Variants in OR4K2 observed in about 807,000 individuals in gnomAD.
OR4K2 encodes the protein olfactory receptor family 4 subfamily K member 2.
In OR4K2, 8 loss-of-function variants were observed where a neutral mutation model predicts 10.5. The ratio of observed to expected loss-of-function variants is 0.76; its 90% CI spans 0.45 to 1.37. OR4K2 has a LOEUF of 1.37. Ranked by LOEUF, OR4K2 falls within the 40% of genes most tolerant of loss-of-function variation. OR4K2 has a pLI of 0.00. For missense variants in OR4K2, 547 were observed against 379.5 expected (o/e 1.44, Z -3.67); for synonymous variants, 178 against 133.6 (o/e 1.33, Z -2.29).
At position 19,876,875 on chromosome 14, in the gene OR4K2, G is replaced by A. The variant is rs1880918397; in HGVS notation, c.608G>A (p.Ser203Asn). ...CTGGGCCTCTTTATGATCTCAACAA[G>A]TGGCATAATTGCGTTGTCCTGTTTT... ...YVLGLFMIST[S>N]GIIALSCFIV... The change falls in exon 2 of 2, where the codon AGT becomes AAT. Residue 203 changes from serine (S) to asparagine (N), a missense_variant. By Grantham distance (46) the Ser-to-Asn change is conservative. Coordinates refer to ENST00000641885, the MANE Select transcript of OR4K2 (RefSeq NM_001005501.2). 27 of 1,614,194 alleles carry A rather than the reference G, an allele frequency of 1.7e-5. No homozygotes were observed. The highest frequency in any genetic ancestry group is 2.3e-5 in the Non-Finnish European group (27 of 1,179,998).
chr14:19,878,564 T>A lies in OR4K2; in HGVS notation c.*1352T>A, dbSNP rs1025444351. On this transcript the variant is annotated 3_prime_UTR_variant, in exon 2 of 2. Transcript: ENST00000641885. Reference sequence around the variant, plus strand: ...TAGATGTTCATATTAAACCAAGTTATAAAAGGAATTTATTTTTTCTTCATC... The same window carrying A: ...TAGATGTTCATATTAAACCAAGTTAAAAAAGGAATTTATTTTTTCTTCATC... 4 of 152,338 alleles carry A rather than the reference T, an allele frequency of 2.6e-5. No individual in the cohort carries two copies. Among genetic ancestry groups the A allele is most frequent in the South Asian group, 4.1e-4 (2 of 4,832 alleles). 9.4% of individuals were successfully genotyped at this position (152,338 alleles called of 1,614,324 possible). A position where few individuals can be genotyped will look rare whatever the true frequency, so the allele number is the denominator to read the frequency against.
chr14:19,875,751 A>G lies in OR4K2; in HGVS notation c.-407A>G, dbSNP rs1880877946. 1 of 153,228 alleles carries G rather than the reference A, an allele frequency of 6.5e-6. No homozygotes were observed. The highest frequency in any genetic ancestry group is 2.0e-4 in the South Asian group (1 of 4,914). 9.5% of individuals were successfully genotyped at this position (153,228 alleles called of 1,614,324 possible). A position where few individuals can be genotyped will look rare whatever the true frequency, so the allele number is the denominator to read the frequency against. ...ATCTCTGGAAATTTACAAGAGCTCT[A>G]CAACTGTCCATCGAAACTTCACTAT... On this transcript the variant is annotated 5_prime_UTR_variant, in exon 1 of 2. Coordinates refer to ENST00000641885, the MANE Select transcript of OR4K2 (RefSeq NM_001005501.2).
rs1184041623 is a variant in OR4K2 at position 19,881,971 on chromosome 14, G to A, written c.*4759G>A. The A allele has an allele frequency of 6.6e-6, 1 of 152,116 alleles. No homozygotes were observed. The highest frequency in any genetic ancestry group is 1.5e-5 in the Non-Finnish European group (1 of 68,010). The allele number at this position is 152,116 out of a possible 1,614,324, so 9.4% of individuals were successfully genotyped here. A position where few individuals can be genotyped will look rare whatever the true frequency, so the allele number is the denominator to read the frequency against. On this transcript the variant is annotated 3_prime_UTR_variant, in exon 2 of 2. Transcript: ENST00000641885. ...AAACGGAAACCATTGGGTAAATTAA[G>A]CAGATTTAATACAATGTATTAAATG...
rs80142406 is a variant in OR4K2 at position 19,878,209 on chromosome 14, A to G, written c.*997A>G. ...GTAGGTTCAATATTAGCTTTAATGTATACAAAGTATTACTACCACCTGCTG... is the reference window on the plus strand; with the variant it reads ...GTAGGTTCAATATTAGCTTTAATGTGTACAAAGTATTACTACCACCTGCTG... On this transcript the variant is annotated 3_prime_UTR_variant, in exon 2 of 2. Coordinates refer to ENST00000641885, the MANE Select transcript of OR4K2 (RefSeq NM_001005501.2). 2.0e-5 allele frequency: 3 copies of G among 152,222 alleles called. No individual in the cohort carries two copies. Among genetic ancestry groups the G allele is most frequent in the Non-Finnish European group, 4.4e-5 (3 of 68,020 alleles). The allele number at this position is 152,222 out of a possible 1,614,324, so 9.4% of individuals were successfully genotyped here. A position where few individuals can be genotyped will look rare whatever the true frequency, so the allele number is the denominator to read the frequency against.
At position 19,882,695 on chromosome 14, in the gene OR4K2, A is replaced by G. The variant is rs1442557008; in HGVS notation, c.*5483A>G. On this transcript the variant is annotated 3_prime_UTR_variant, in exon 2 of 2. Coordinates refer to ENST00000641885, the MANE Select transcript of OR4K2 (RefSeq NM_001005501.2). ...TCTTTTCAGTTTCATGAATACATAT[A>G]TACTCAAATATACATCCATACACAC... The G allele has an allele frequency of 6.6e-6, 1 of 152,250 alleles. No individual in the cohort carries two copies. Among genetic ancestry groups the G allele is most frequent in the Non-Finnish European group, 1.5e-5 (1 of 68,060 alleles). 9.4% of individuals were successfully genotyped at this position (152,250 alleles called of 1,614,324 possible).
Position 19,876,054 on chromosome 14 carries a change from C to G in OR4K2, c.-104C>G, listed in dbSNP as rs1354137994. The G allele has an allele frequency of 1.7e-5, 9 of 521,952 alleles. No individual in the cohort carries two copies. The Middle Eastern group carries it at 2.5e-3, about 142-fold the overall frequency. The allele number at this position is 521,952 out of a possible 1,614,324, so 32.3% of individuals were successfully genotyped here. A position where few individuals can be genotyped will look rare whatever the true frequency, so the allele number is the denominator to read the frequency against. On this transcript the variant is annotated 5_prime_UTR_variant, in exon 1 of 2. Coordinates refer to ENST00000641885, the MANE Select transcript of OR4K2 (RefSeq NM_001005501.2). Reference sequence around the variant, plus strand: ...TTTTCAATACCTATGATTTAAGGAACATTTTGCTATAAGCTCTAATATTTC... The same window carrying G: ...TTTTCAATACCTATGATTTAAGGAAGATTTTGCTATAAGCTCTAATATTTC...
chr14:19,877,252 G>C lies in OR4K2; in HGVS notation c.*40G>C, dbSNP rs1310960159. The C allele has an allele frequency of 7.3e-7, 1 of 1,379,292 alleles. No homozygotes were observed. The highest frequency in any genetic ancestry group is 9.9e-7 in the Non-Finnish European group (1 of 1,011,142). 85.4% of individuals were successfully genotyped at this position (1,379,292 alleles called of 1,614,324 possible). On this transcript the variant is annotated 3_prime_UTR_variant, in exon 2 of 2. Coordinates refer to ENST00000641885, the MANE Select transcript of OR4K2 (RefSeq NM_001005501.2). ...AACATTAGACACAATGCTGTGTTAG[G>C]CTTTTCTTTCTAGAGGGTTCTTACC...
In OR4K2 at chr14:19,877,702, C is replaced by A. The variant is rs1880944369; in HGVS notation, c.*490C>A. 1 of 153,706 alleles carries A rather than the reference C, an allele frequency of 6.5e-6. No homozygotes were observed. The allele number at this position is 153,706 out of a possible 1,614,324, so 9.5% of individuals were successfully genotyped here. A position where few individuals can be genotyped will look rare whatever the true frequency, so the allele number is the denominator to read the frequency against. ...AGCCACTCCTACTTAACATTTAAAC[C>A]AATTTGTGATCTCTTCTATTAAAGA... On this transcript the variant is annotated 3_prime_UTR_variant, in exon 2 of 2. Coordinates refer to ENST00000641885, the MANE Select transcript of OR4K2 (RefSeq NM_001005501.2).
chr14:19,880,203 C>T lies in OR4K2; in HGVS notation c.*2991C>T, dbSNP rs1281450512. Reference sequence around the variant, plus strand: ...TAAAAGGCTCTGCAGAATCTGAAGTCTAATGTGTAGTTTTAAAAGTCTTAG... The same window carrying T: ...TAAAAGGCTCTGCAGAATCTGAAGTTTAATGTGTAGTTTTAAAAGTCTTAG... On this transcript the variant is annotated 3_prime_UTR_variant, in exon 2 of 2. Coordinates refer to ENST00000641885, the MANE Select transcript of OR4K2 (RefSeq NM_001005501.2). 3.3e-5 allele frequency: 5 copies of T among 152,474 alleles called. No homozygotes were observed. The highest frequency in any genetic ancestry group is 1.2e-4 in the African/African-American group (5 of 41,410). 9.4% of individuals were successfully genotyped at this position (152,474 alleles called of 1,614,324 possible).
Position 19,878,105 on chromosome 14 carries a change from G to T in OR4K2, c.*893G>T, listed in dbSNP as rs972208423. The T allele has an allele frequency of 6.6e-6, 1 of 152,182 alleles. No homozygotes were observed. The highest frequency in any genetic ancestry group is 1.5e-5 in the Non-Finnish European group (1 of 68,006). 9.4% of individuals were successfully genotyped at this position (152,182 alleles called of 1,614,324 possible). A position where few individuals can be genotyped will look rare whatever the true frequency, so the allele number is the denominator to read the frequency against. On this transcript the variant is annotated 3_prime_UTR_variant, in exon 2 of 2. Coordinates refer to ENST00000641885, the MANE Select transcript of OR4K2 (RefSeq NM_001005501.2). The stretch of plus-strand genomic sequence containing the variant: ...ATTTGGATGTAAAAATAATGAATCT[G>T]CATTTAGTAATACATTGTCAATGTA...
Position 19,883,830 on chromosome 14 carries a change from GC to G in OR4K2, c.*6619del, listed in dbSNP as rs1440568557. The G allele has an allele frequency of 4.9e-4, 75 of 152,236 alleles. 1 individual carries two copies. The highest frequency in any genetic ancestry group is 6.8e-3 in the Middle Eastern group (2 of 294). 9.4% of individuals were successfully genotyped at this position (152,236 alleles called of 1,614,324 possible). A position where few individuals can be genotyped will look rare whatever the true frequency, so the allele number is the denominator to read the frequency against. On this transcript the variant is annotated 3_prime_UTR_variant, in exon 2 of 2. Transcript: ENST00000641885. ...AAGATACCTCTCTTGCAGCTCAATT[GC>G]TTTTTAAATAAAATAAATTTGAATC... is the stretch of plus-strand genomic sequence containing the variant.
chr14:19,881,701 T>G lies in OR4K2; in HGVS notation c.*4489T>G, dbSNP rs1053159438. 2 of 152,118 alleles carry G rather than the reference T, an allele frequency of 1.3e-5. No homozygotes were observed. Among genetic ancestry groups the G allele is most frequent in the Non-Finnish European group, 2.9e-5 (2 of 68,026 alleles). The allele number at this position is 152,118 out of a possible 1,614,324, so 9.4% of individuals were successfully genotyped here. A position where few individuals can be genotyped will look rare whatever the true frequency, so the allele number is the denominator to read the frequency against. On this transcript the variant is annotated 3_prime_UTR_variant, in exon 2 of 2. Coordinates refer to ENST00000641885, the MANE Select transcript of OR4K2 (RefSeq NM_001005501.2). Reference sequence around the variant, plus strand: ...ATGACTACTAAATGCAAGACCACTGTTAATTCGCCTTTTTTCTTTGTGTTT... The same window carrying G: ...ATGACTACTAAATGCAAGACCACTGGTAATTCGCCTTTTTTCTTTGTGTTT...
chr14:19,882,700 C>T lies in OR4K2; in HGVS notation c.*5488C>T, dbSNP rs1221672311. 6.6e-6 allele frequency: 1 copy of T among 152,234 alleles called. No individual in the cohort carries two copies. Among genetic ancestry groups the T allele is most frequent in the Non-Finnish European group, 1.5e-5 (1 of 68,070 alleles). 9.4% of individuals were successfully genotyped at this position (152,234 alleles called of 1,614,324 possible). A position where few individuals can be genotyped will look rare whatever the true frequency, so the allele number is the denominator to read the frequency against. ...TCAGTTTCATGAATACATATATACT[C>T]AAATATACATCCATACACACTCAAA... On this transcript the variant is annotated 3_prime_UTR_variant, in exon 2 of 2. Transcript: ENST00000641885.
At position 19,882,055 on chromosome 14, in the gene OR4K2, T is replaced by G. The variant is rs1418596649; in HGVS notation, c.*4843T>G. On this transcript the variant is annotated 3_prime_UTR_variant, in exon 2 of 2. Transcript: ENST00000641885. ...CATTGGAGGCTGCAACTGGAGCTATTGTGTTCCAGAGCACATTACCCCAGT... is the reference window on the plus strand; with the variant it reads ...CATTGGAGGCTGCAACTGGAGCTATGGTGTTCCAGAGCACATTACCCCAGT... 1.3e-5 allele frequency: 2 copies of G among 152,260 alleles called. No homozygotes were observed. Among genetic ancestry groups the G allele is most frequent in the Non-Finnish European group, 2.9e-5 (2 of 68,084 alleles). 9.4% of individuals were successfully genotyped at this position (152,260 alleles called of 1,614,324 possible).
rs1881008772 is a variant in OR4K2 at position 19,880,409 on chromosome 14, A to G, written c.*3197A>G. 6.6e-6 allele frequency: 1 copy of G among 152,278 alleles called. No individual in the cohort carries two copies. The highest frequency in any genetic ancestry group is 2.1e-4 in the South Asian group (1 of 4,838). 9.4% of individuals were successfully genotyped at this position (152,278 alleles called of 1,614,324 possible). A position where few individuals can be genotyped will look rare whatever the true frequency, so the allele number is the denominator to read the frequency against. On this transcript the variant is annotated 3_prime_UTR_variant, in exon 2 of 2. Coordinates refer to ENST00000641885, the MANE Select transcript of OR4K2 (RefSeq NM_001005501.2). ...ATAAAAGAAGCAAATAATATGAAGC[A>G]TATGGTTGTCAATAAATGTTAGTCA...
Position 19,878,013 on chromosome 14 carries a change from G to A in OR4K2, c.*801G>A, listed in dbSNP as rs1880953277. The A allele has an allele frequency of 6.6e-6, 1 of 152,218 alleles. No homozygotes were observed. The highest frequency in any genetic ancestry group is 1.5e-5 in the Non-Finnish European group (1 of 68,026). 9.4% of individuals were successfully genotyped at this position (152,218 alleles called of 1,614,324 possible). On this transcript the variant is annotated 3_prime_UTR_variant, in exon 2 of 2. Transcript: ENST00000641885. ...CACAGTTTATAACAGTTGAATTTATGGGGAGTCCATGCTTTCATTTTAAAG... is the reference window on the plus strand; with the variant it reads ...CACAGTTTATAACAGTTGAATTTATAGGGAGTCCATGCTTTCATTTTAAAG...
chr14:19,877,233 A>G lies in OR4K2; in HGVS notation c.*21A>G. On this transcript the variant is annotated 3_prime_UTR_variant, in exon 2 of 2. Coordinates refer to ENST00000641885, the MANE Select transcript of OR4K2 (RefSeq NM_001005501.2). ...CATAGTTTTTGTGACACAGAACATTAGACACAATGCTGTGTTAGGCTTTTC... is the reference window on the plus strand; with the variant it reads ...CATAGTTTTTGTGACACAGAACATTGGACACAATGCTGTGTTAGGCTTTTC... 6.8e-7 allele frequency: 1 copy of G among 1,465,134 alleles called. No homozygotes were observed. The highest frequency in any genetic ancestry group is 9.3e-7 in the Non-Finnish European group (1 of 1,071,248). 90.8% of individuals were successfully genotyped at this position (1,465,134 alleles called of 1,614,324 possible). A position where few individuals can be genotyped will look rare whatever the true frequency, so the allele number is the denominator to read the frequency against.
rs915225001 is a variant in OR4K2 at position 19,879,689 on chromosome 14, T to C, written c.*2477T>C. ...AAAACAGATAAAGTGTAAATTTTAA[T>C]ATGTGAAGGAACTGGATATATGTAA... On this transcript the variant is annotated 3_prime_UTR_variant, in exon 2 of 2. Transcript: ENST00000641885. The C allele has an allele frequency of 6.6e-6, 1 of 152,258 alleles. No homozygotes were observed. Among genetic ancestry groups the C allele is most frequent in the Non-Finnish European group, 1.5e-5 (1 of 68,044 alleles). 9.4% of individuals were successfully genotyped at this position (152,258 alleles called of 1,614,324 possible). A position where few individuals can be genotyped will look rare whatever the true frequency, so the allele number is the denominator to read the frequency against.
rs759121922 is a variant in OR4K2 at position 19,876,375 on chromosome 14, G to A, written c.108G>A (p.Val36=). 3.7e-6 allele frequency: 6 copies of A among 1,613,830 alleles called. No individual in the cohort carries two copies. Among genetic ancestry groups the A allele is most frequent in the African/African-American group, 2.7e-5 (2 of 74,866 alleles). ...TTATGGTGTTTTCATTGCTTTATGTGGCAACAATGGTGGGTAACAGCCTCA... is the reference window on the plus strand; with the variant it reads ...TTATGGTGTTTTCATTGCTTTATGTAGCAACAATGGTGGGTAACAGCCTCA... ...FFFMVFSLLY[V]ATMVGNSLIV... The change falls in exon 2 of 2, where the codon GTG becomes GTA. Residue 36 remains valine, a synonymous_variant. Coordinates refer to ENST00000641885, the MANE Select transcript of OR4K2 (RefSeq NM_001005501.2).
Sources: allele counts gnomAD v4.1 joint callset, GRCh38; gene constraint gnomAD v4.1.1; transcripts MANE v1.5; gene names NCBI Gene and HGNC (gene_info 2026-07-23, HGNC 2026-07-21).